The following LIN54 variants were observed in gnomAD, a reference collection of about 807,000 sequenced individuals.
LIN54 encodes the protein lin-54 DREAM MuvB core complex component.
A neutral mutation model predicts 78.7 loss-of-function variants in LIN54; 9 were observed. The ratio of observed to expected loss-of-function variants is 0.11; its 90% confidence interval spans 0.07 to 0.20. The LOEUF is 0.20. Among genes scored for constraint, LIN54 ranks in the 10% least tolerant of loss-of-function variants. LIN54 has a pLI of 1.00. For synonymous variants in LIN54, 269 were observed against 318.4 expected (o/e 0.84, Z 1.65); for missense variants, 573 against 889.9 (o/e 0.64, Z 4.53).
intron 4 of LIN54, among the ~76,000 whole-genome samples, chr4:82,947,222 T>TAC (rs1723435013): frequency 1.8e-4 from 3 of 17,026 alleles, no homozygotes; most frequent in Non-Finnish European, 4.2e-4. Flanking sequence ...TATATATATA[T>TAC]ATATATATAT....
At chr4:82,986,131 T>C (rs1379313774) in intron 1 of LIN54, among the ~76,000 whole-genome samples, 1 of 152,128 alleles carries the variant, frequency 6.6e-6, no homozygotes, top group East Asian at 1.9e-4. Context: ...CTTTTCGTTT[T>C]TGAGACAGAG....
chr4:82,953,935 G>A (rs1225334940), intron 4 of LIN54, among the ~76,000 whole-genome samples: 4 of 151,786 alleles, frequency 2.6e-5, no homozygotes, highest in South Asian at 4.2e-4. Context: ...GCAAGACCCC[G>A]TCTCAAAAAC....
At chr4:82,965,927 C>T (rs1309390723) in intron 4 of LIN54, among the ~76,000 whole-genome samples, 2 of 152,180 alleles carry the variant, frequency 1.3e-5, no homozygotes, top group Non-Finnish European at 2.9e-5. Context: ...CAAATCCTCA[C>T]TTTTTAGTCA....
At position 83,000,615 on chromosome 4, in the gene LIN54, T is replaced by A. The variant is rs1467595473; in HGVS notation, c.-33+9869A>T. Reference sequence around the variant, plus strand: ...TTCAACACTGAAGGCATCAACATGGTCTGCTTGCCCCCAAATACAGCATCT... The same window carrying A: ...TTCAACACTGAAGGCATCAACATGGACTGCTTGCCCCCAAATACAGCATCT... On this transcript the variant is annotated intron_variant, in intron 1 of 12. Transcript: ENST00000340417. Among the ~76,000 whole-genome samples, 12 of 152,248 alleles carry A rather than the reference T, an allele frequency of 7.9e-5. No homozygotes were observed. In the South Asian group the frequency reaches 2.3e-3, roughly 29 times the overall value.
intron 4 of LIN54, among the ~76,000 whole-genome samples, chr4:82,967,987 T>C (rs994618255): frequency 2.6e-5 from 4 of 152,148 alleles, no homozygotes; most frequent in Non-Finnish European, 4.4e-5. Flanking sequence ...AGCTTTTGAC[T>C]GTACATTTCA....
intron 1 of LIN54, among the ~76,000 whole-genome samples, chr4:82,988,733 T>C (rs72925297): frequency 0.018 from 2,725 of 152,336 alleles, 86 homozygotes; most frequent in African/African-American, 0.062. Context: ...TCTGTTGGTC[T>C]TTTCAACTCC....
rs950682455 is a variant in LIN54 at position 82,985,645 on chromosome 4, A to G, written c.-32-769T>C. On this transcript the variant is annotated intron_variant, in intron 1 of 12. Transcript: ENST00000340417. The stretch of plus-strand genomic sequence containing the variant: ...AACCTCCGCTTCCTGGGTTCAAGCA[A>G]TTCTCCTGCCTCAGCCTCCTGAGTA... Among the ~76,000 whole-genome samples, 5 of 152,316 alleles carry G rather than the reference A, an allele frequency of 3.3e-5. No individual in the cohort carries two copies. In the South Asian group the frequency reaches 1.0e-3, roughly 32 times the overall value.
intron 3 of LIN54, among the ~76,000 whole-genome samples, chr4:82,974,188 T>G (rs559751954): frequency 2.0e-5 from 3 of 149,406 alleles, no homozygotes; most frequent in East Asian, 2.0e-4. Flanking sequence ...CCAGCCTGGG[T>G]GACAGAGCAA....
chr4:82,973,394 C>T (rs892126414), intron 3 of LIN54, among the ~76,000 whole-genome samples: 4 of 152,094 alleles, frequency 2.6e-5, no homozygotes, highest in Non-Finnish European at 4.4e-5. Context: ...TGGTTTTCAT[C>T]CTGGTAGCAT....
At chr4:82,938,337 T>C in intron 8 of LIN54, 76 bp downstream of exon 8, 1 of 802,222 alleles carries the variant, frequency 1.2e-6, no homozygotes. Flanking sequence ...AAAGAGGATG[T>C]AGTTTGGAAT....
chr4:82,954,607 G>A (rs1325841740), intron 4 of LIN54, among the ~76,000 whole-genome samples: 2 of 151,878 alleles, frequency 1.3e-5, no homozygotes, highest in East Asian at 1.9e-4. Context: ...TAACAGAGAC[G>A]GGGTTTCACC....
chr4:83,006,452 AAAAAAAAAAAAG>A lies in LIN54; in HGVS notation c.-33+4020_-33+4031del, dbSNP rs1197501145. Among the ~76,000 whole-genome samples, 159 of 151,710 alleles carry A rather than the reference AAAAAAAAAAAAG, an allele frequency of 1.0e-3. 1 individual carries two copies. Among genetic ancestry groups the A allele is most frequent in the East Asian group, 2.9e-3 (15 of 5,184 alleles). On this transcript the variant is annotated intron_variant, in intron 1 of 12. Coordinates refer to ENST00000340417, the MANE Select transcript of LIN54 (RefSeq NM_194282.4). ...TGACAGAGCGAGACTCCGTCTCAAA[AAAAAAAAAAAAG>A]AAAAAAAAAAAGAAAAACTATTGGA...
At chr4:83,002,204 A>C (rs925080407) in intron 1 of LIN54, among the ~76,000 whole-genome samples, 12 of 151,796 alleles carry the variant, frequency 7.9e-5, no homozygotes, top group African/African-American at 2.7e-4. Flanking sequence ...AATGAAGCTA[A>C]AGCAAACAGT....
chr4:82,970,317 A>AT lies in LIN54; in HGVS notation c.951+9dup, dbSNP rs1373808999. 6.2e-7 allele frequency: 1 copy of AT among 1,604,866 alleles called. No homozygotes were observed. The highest frequency in any genetic ancestry group is 8.5e-7 in the Non-Finnish European group (1 of 1,176,376). On this transcript the variant is annotated intron_variant, in intron 4 of 12. Coordinates refer to ENST00000340417, the MANE Select transcript of LIN54 (RefSeq NM_194282.4). ...AATATTTGGTATTTGTGGCTAATTT[A>AT]TTTTTTTACCTTATTTGGCGATTTC...
intron 4 of LIN54, among the ~76,000 whole-genome samples, chr4:82,957,215 T>C (rs1472105146): frequency 1.3e-5 from 2 of 152,182 alleles, no homozygotes; most frequent in Non-Finnish European, 2.9e-5. Flanking sequence ...AACTTGGCAA[T>C]ACTGTCACTG....
Position 83,001,974 on chromosome 4 carries a change from GGA to G in LIN54, c.-33+8508_-33+8509del, listed in dbSNP as rs1728877808. ...AGGAAGGAAGGAAGGAAGGAAGGAA[GGA>G]AGGGAGGGATCTTGGAGAAATTCAA... On this transcript the variant is annotated intron_variant, in intron 1 of 12. Coordinates refer to ENST00000340417, the MANE Select transcript of LIN54 (RefSeq NM_194282.4). Among the ~76,000 whole-genome samples the G allele has an allele frequency of 3.0e-4, 7 of 23,482 alleles. 2 individuals carry two copies. The highest frequency in any genetic ancestry group is 7.3e-4 in the African/African-American group (7 of 9,542). The allele number at this position is 23,482 out of a possible 152,430, so 15.4% of individuals were successfully genotyped here.
At chr4:82,972,370 T>C (rs13151545) in intron 3 of LIN54, among the ~76,000 whole-genome samples, 28,048 of 152,126 alleles carry the variant, frequency 0.18, 2,764 homozygotes, top group South Asian at 0.32. Context: ...TTGTAGTACA[T>C]AGATTAATTT....
At chr4:82,986,419 CT>C (rs1421606083) in intron 1 of LIN54, among the ~76,000 whole-genome samples, 2 of 152,024 alleles carry the variant, frequency 1.3e-5, no homozygotes, top group African/African-American at 4.8e-5. Flanking sequence ...GCCCGGCCCC[CT>C]TTTTTTAAAT....
At position 83,006,957 on chromosome 4, in the gene LIN54, T is replaced by C. The variant is rs184917155; in HGVS notation, c.-33+3527A>G. Among the ~76,000 whole-genome samples the C allele has an allele frequency of 1.8e-4, 28 of 152,124 alleles. No homozygotes were observed. The East Asian group carries it at 4.8e-3, about 26-fold the overall frequency. ...GAGTTTGAGACCAGCCTGGCCAACA[T>C]GGTCAAACCCCGTCTCTACTAAAAA... On this transcript the variant is annotated intron_variant, in intron 1 of 12. Coordinates refer to ENST00000340417, the MANE Select transcript of LIN54 (RefSeq NM_194282.4).
Sources: allele counts gnomAD v4.1 joint callset (sites outside exome capture counted in the v4.1 genomes callset), GRCh38; gene constraint gnomAD v4.1.1; transcripts MANE v1.5; gene names NCBI Gene and HGNC (gene_info 2026-07-23, HGNC 2026-07-21).